Variants in ITCH observed in about 807,000 individuals in gnomAD.
ITCH encodes E3 ubiquitin-protein ligase Itchy homolog.
A neutral mutation model predicts 126.8 loss-of-function variants in ITCH; 28 were observed. The ratio of observed to expected loss-of-function variants is 0.22; its 90% CI spans 0.16 to 0.30. The LOEUF (loss-of-function observed/expected upper bound fraction) is 0.30. Ranked by LOEUF, ITCH falls within the 10% of genes least tolerant of loss-of-function variation. The pLI, the probability that ITCH is intolerant of heterozygous loss-of-function variation, is 1.00. For synonymous variants in ITCH, 342 were observed against 340.0 expected (o/e 1.01, Z -0.06); for missense variants, 631 against 1,032.4 (o/e 0.61, Z 5.33).
intron 23 of ITCH, among the ~76,000 whole-genome samples, chr20:34,498,394 C>T (rs1390739409): frequency 6.6e-6 from 1 of 152,052 alleles, no homozygotes; most frequent in Non-Finnish European, 1.5e-5. Context: ...AAAGTGGGCA[C>T]CCTTGTCTTG....
chr20:34,470,556 G>T (rs1275545386), intron 15 of ITCH, among the ~76,000 whole-genome samples: 1 of 152,010 alleles, frequency 6.6e-6, no homozygotes, highest in East Asian at 1.9e-4. Flanking sequence ...GTAAGTAAAA[G>T]CATTTTCTGA....
At chr20:34,492,936 A>G (rs1240147121) in intron 23 of ITCH, among the ~76,000 whole-genome samples, 1 of 152,212 alleles carries the variant, frequency 6.6e-6, no homozygotes, top group Non-Finnish European at 1.5e-5. Context: ...TATATAATAC[A>G]ATAGTGGATT....
At chr20:34,489,515 C>T (rs564071719) in intron 21 of ITCH, 129 bp downstream of exon 21, 1 of 881,820 alleles carries the variant, frequency 1.1e-6, no homozygotes, top group South Asian at 1.4e-5. Flanking sequence ...TGTTTTGAAA[C>T]ATCCCCAATG....
At chr20:34,412,373 A>G in intron 4 of ITCH, 142 bp from the exon 5 acceptor site, 1 of 627,240 alleles carries the variant, frequency 1.6e-6, no homozygotes, top group Non-Finnish European at 2.8e-6. Context: ...ATTACTGAAC[A>G]TAGGCCAATA....
At chr20:34,437,344 C>G (rs1478965695) in intron 7 of ITCH, among the ~76,000 whole-genome samples, 2 of 152,184 alleles carry the variant, frequency 1.3e-5, no homozygotes, top group African/African-American at 4.8e-5. Context: ...CTCACTCTGT[C>G]TCCCAGGTTG....
chr20:34,382,728 C>CTATTATTATTATTAT lies in ITCH; in HGVS notation c.-21-11046_-21-11032dup, dbSNP rs374784508. 2.3e-3 allele frequency among the ~76,000 whole-genome samples: 317 copies of CTATTATTATTATTAT among 139,924 alleles called. 4 individuals are homozygous for CTATTATTATTATTAT. The highest frequency in any genetic ancestry group is 4.0e-3 in the African/African-American group (152 of 37,740). The allele number at this position is 139,924 out of a possible 152,430, so 91.8% of individuals were successfully genotyped here. ...CAGCCAATAATTCTTTTTATTATTA[C>CTATTATTATTATTAT]TATTATTATTATTATTATTATTATT... On this transcript the variant is annotated intron_variant, in intron 2 of 24. Coordinates refer to ENST00000374864, the MANE Select transcript of ITCH (RefSeq NM_031483.7).
At chr20:34,433,802 A>G (rs1467591794) in intron 7 of ITCH, among the ~76,000 whole-genome samples, 1 of 152,230 alleles carries the variant, frequency 6.6e-6, no homozygotes, top group Admixed American at 6.5e-5. Flanking sequence ...CTAACCAAAT[A>G]AAAACCCACC....
chr20:34,442,226 C>T lies in ITCH; in HGVS notation c.888C>T (p.Asp296=), dbSNP rs370665674. The change falls in exon 10 of 25, where the codon GAC becomes GAT. Residue 296 remains aspartate (D), a synonymous_variant. Coordinates refer to ENST00000374864, the MANE Select transcript of ITCH (RefSeq NM_031483.7). ...PLPPGWEQRV[D]QHGRVYYVDH... ...ATTTAAGTTGGGAGCAGAGAGTGGACCAGCACGGGCGAGTTTACTATGTAG... is the reference window on the plus strand; with the variant it reads ...ATTTAAGTTGGGAGCAGAGAGTGGATCAGCACGGGCGAGTTTACTATGTAG... 32 of 1,613,606 alleles carry T rather than the reference C, an allele frequency of 2.0e-5. No individual in the cohort carries two copies. The highest frequency in any genetic ancestry group is 2.7e-5 in the Non-Finnish European group (32 of 1,179,708).
chr20:34,457,881 C>T (rs112316024), intron 13 of ITCH, among the ~76,000 whole-genome samples: 6 of 151,882 alleles, frequency 4.0e-5, no homozygotes, highest in African/African-American at 1.2e-4. Flanking sequence ...CCCAGGAAGT[C>T]GAGACTGCAG....
chr20:34,444,315 G>C (rs528878498), intron 10 of ITCH, among the ~76,000 whole-genome samples: 1 of 152,286 alleles, frequency 6.6e-6, no homozygotes, highest in South Asian at 2.1e-4. Flanking sequence ...TGGGCGTGGT[G>C]GTTCACGCCT....
At chr20:34,492,843 G>A (rs1989611883) in intron 23 of ITCH, among the ~76,000 whole-genome samples, 1 of 152,172 alleles carries the variant, frequency 6.6e-6, no homozygotes, top group South Asian at 2.1e-4. Context: ...ATGTAAATCT[G>A]TTCATTTAGT....
At chr20:34,425,925 C>A (rs577196467) in intron 7 of ITCH, among the ~76,000 whole-genome samples, 159 of 152,370 alleles carry the variant, frequency 1.0e-3, no homozygotes, top group African/African-American at 3.7e-3. Flanking sequence ...TGTCTTATTT[C>A]TTTTCTCAGT....
intron 14 of ITCH, among the ~76,000 whole-genome samples, chr20:34,465,325 T>C (rs1281524235): frequency 1.3e-5 from 2 of 152,334 alleles, no homozygotes; most frequent in East Asian, 3.9e-4. Flanking sequence ...TCCTCCAACT[T>C]TGTTCTTTTT....
intron 3 of ITCH, among the ~76,000 whole-genome samples, chr20:34,398,686 C>G (rs2038762872): frequency 6.6e-6 from 1 of 152,186 alleles, no homozygotes; most frequent in Non-Finnish European, 1.5e-5. Context: ...GCGTGAGCCA[C>G]CGCGCCTGGC....
At chr20:34,504,768 A>T (rs1230224634) in intron 24 of ITCH, among the ~76,000 whole-genome samples, 1 of 152,194 alleles carries the variant, frequency 6.6e-6, no homozygotes, top group Admixed American at 6.5e-5. Flanking sequence ...TCCTAATCTG[A>T]CAGCAAATAT....
chr20:34,373,514 G>C (rs1383709656), intron 2 of ITCH, among the ~76,000 whole-genome samples: 1 of 152,108 alleles, frequency 6.6e-6, no homozygotes, highest in Non-Finnish European at 1.5e-5. Context: ...GACTTCAGGT[G>C]ATCCGCCTGC....
chr20:34,473,015 T>A (rs1235419708), intron 16 of ITCH, among the ~76,000 whole-genome samples: 1 of 152,224 alleles, frequency 6.6e-6, no homozygotes, highest in African/African-American at 2.4e-5. Flanking sequence ...CTTTGAAACC[T>A]AAAGTCTTTT....
chr20:34,368,232 T>C (rs930060038), intron 1 of ITCH, among the ~76,000 whole-genome samples: 10 of 150,644 alleles, frequency 6.6e-5, no homozygotes, highest in Non-Finnish European at 1.2e-4. Context: ...ATTGTGCCAC[T>C]GCACTCCAGC....
chr20:34,442,756 G>C (rs942389055), intron 10 of ITCH, among the ~76,000 whole-genome samples: 1 of 151,456 alleles, frequency 6.6e-6, no homozygotes, highest in Non-Finnish European at 1.5e-5. Flanking sequence ...GGAGGATCAC[G>C]AGCTCAGGAG....
Sources: allele counts gnomAD v4.1 joint callset (sites outside exome capture counted in the v4.1 genomes callset), GRCh38; gene constraint gnomAD v4.1.1; transcripts MANE v1.5; gene names NCBI Gene and HGNC (gene_info 2026-07-23, HGNC 2026-07-21).